Variants in SBF2 observed in about 807,000 individuals in gnomAD.
The protein encoded by SBF2 is SET binding factor 2.
SBF2 carries 112 observed loss-of-function variants against 225.2 expected under a neutral mutation model. That is an observed-to-expected ratio of 0.50 (90% CI 0.43 to 0.58). The LOEUF (loss-of-function observed/expected upper bound fraction) is 0.58. Among genes scored for constraint, SBF2 ranks in the 20% least tolerant of loss-of-function variants. The pLI, the probability that SBF2 is intolerant of heterozygous loss-of-function variation, is 0.00. For synonymous variants in SBF2, 763 were observed against 773.3 expected, an observed-to-expected ratio of 0.99 and a Z score of 0.22; for missense variants, 1,996 against 2,206.2, an observed-to-expected ratio of 0.90 and a Z score of 1.91.
chr11:10,043,737 G>A (rs1019014208), intron 2 of SBF2, among the ~76,000 whole-genome samples: 10 of 152,022 alleles, frequency 6.6e-5, no homozygotes, highest in Non-Finnish European at 1.5e-5. Flanking sequence ...AGTATATCTG[G>A]CTAATATTTT....
At chr11:10,019,235 T>C (rs181536918) in intron 6 of SBF2, among the ~76,000 whole-genome samples, 76 of 152,312 alleles carry the variant, frequency 5.0e-4, no homozygotes, top group African/African-American at 1.8e-3. Flanking sequence ...AACTTTCTTA[T>C]AGACTCCCAT....
chr11:10,003,491 C>T (rs1230994788), intron 6 of SBF2, among the ~76,000 whole-genome samples: 3 of 152,060 alleles, frequency 2.0e-5, no homozygotes, highest in Middle Eastern at 6.8e-3. Context: ...CCTCAGCCTC[C>T]TGAGTAGCTG....
rs1260685462 is a variant in SBF2 at position 9,967,971 on chromosome 11, C to CTCTCTCTCTCTATATATATATATA, written c.1600+369_1600+370insTATATATATATATAGAGAGAGAGA. ...TGTCTCTCTCTCTCTCTCTCTCTCT[C>CTCTCTCTCTCTATATATATATATA]TATATATATATATATATATAAAATA... On this transcript the variant is annotated intron_variant, in intron 14 of 39. Coordinates refer to ENST00000256190, the MANE Select transcript of SBF2 (RefSeq NM_030962.4). Among the ~76,000 whole-genome samples, 19 of 91,496 alleles carry CTCTCTCTCTCTATATATATATATA rather than the reference C, an allele frequency of 2.1e-4. 1 individual carries two copies. The highest frequency in any genetic ancestry group is 2.6e-4 in the Non-Finnish European group (11 of 43,088). 60.0% of individuals were successfully genotyped at this position (91,496 alleles called of 152,430 possible).
chr11:10,085,060 A>G (rs1951511806), intron 2 of SBF2, among the ~76,000 whole-genome samples: 1 of 152,250 alleles, frequency 6.6e-6, no homozygotes, highest in Non-Finnish European at 1.5e-5. Flanking sequence ...AAAATCGCAC[A>G]TGCATTCCAC....
At chr11:10,065,756 A>T (rs990866038) in intron 2 of SBF2, among the ~76,000 whole-genome samples, 4 of 152,148 alleles carry the variant, frequency 2.6e-5, no homozygotes, top group African/African-American at 9.7e-5. Context: ...GTTCGAGACC[A>T]GCTTAACATG....
intron 1 of SBF2, among the ~76,000 whole-genome samples, chr11:10,210,580 G>A (rs1957903133): frequency 6.6e-6 from 1 of 152,036 alleles, no homozygotes; most frequent in African/African-American, 2.4e-5. Flanking sequence ...GGAGACAACT[G>A]GCCGTTTCTA....
At chr11:10,143,023 T>C (rs1226333825) in intron 2 of SBF2, among the ~76,000 whole-genome samples, 1 of 152,212 alleles carries the variant, frequency 6.6e-6, no homozygotes, top group Non-Finnish European at 1.5e-5. Flanking sequence ...AGTAGACATC[T>C]CTGCTACAAA....
At position 9,780,345 on chromosome 11, in the gene SBF2, A is replaced by T; in HGVS notation, c.*73T>A. On this transcript the variant is annotated 3_prime_UTR_variant, in exon 40 of 40. Coordinates refer to ENST00000256190, the MANE Select transcript of SBF2 (RefSeq NM_030962.4). ...ATAACTTGTTGTCAGCTCCTCAAGG[A>T]TCCATGCTTCTTTTTCTATCTATCT... 7.5e-7 allele frequency: 1 copy of T among 1,327,098 alleles called. No homozygotes were observed. Among genetic ancestry groups the T allele is most frequent in the Non-Finnish European group, 1.1e-6 (1 of 932,308 alleles). 82.2% of individuals were successfully genotyped at this position (1,327,098 alleles called of 1,614,324 possible). A position where few individuals can be genotyped will look rare whatever the true frequency, so the allele number is the denominator to read the frequency against.
chr11:9,805,752 A>T (rs1853788096), intron 32 of SBF2, among the ~76,000 whole-genome samples: 1 of 152,052 alleles, frequency 6.6e-6, no homozygotes, highest in South Asian at 2.1e-4. Flanking sequence ...CCTCCCAAGT[A>T]GCTGGGACTA....
intron 1 of SBF2, among the ~76,000 whole-genome samples, chr11:10,290,961 G>A (rs1412399008): frequency 6.6e-6 from 1 of 152,108 alleles, no homozygotes; most frequent in Non-Finnish European, 1.5e-5. Flanking sequence ...CTAAATGGCT[G>A]ATTACAGAAC....
chr11:10,125,069 C>T (rs1953683987), intron 2 of SBF2, among the ~76,000 whole-genome samples: 1 of 143,808 alleles, frequency 7.0e-6, no homozygotes, highest in South Asian at 2.2e-4. Context: ...GATCTCGCTA[C>T]TGCACTCCAG....
chr11:9,927,854 G>C (rs949934279), intron 16 of SBF2, among the ~76,000 whole-genome samples: 2 of 152,122 alleles, frequency 1.3e-5, no homozygotes, highest in Non-Finnish European at 2.9e-5. Context: ...TTTCACAAAA[G>C]TGCAAAGCCA....
intron 2 of SBF2, among the ~76,000 whole-genome samples, chr11:10,182,063 A>G (rs10500721): frequency 0.27 from 41,592 of 152,032 alleles, 5,858 homozygotes; most frequent in Middle Eastern, 0.34. Flanking sequence ...GGTACTTTAA[A>G]TTAAGCTAAG....
intron 16 of SBF2, among the ~76,000 whole-genome samples, chr11:9,938,947 A>C (rs1026102021): frequency 1.3e-5 from 2 of 152,106 alleles, no homozygotes; most frequent in Non-Finnish European, 2.9e-5. Context: ...AAAATTGTAA[A>C]GGGCAATATC....
chr11:9,902,865 C>T (rs751986087), intron 16 of SBF2, among the ~76,000 whole-genome samples: 2 of 151,568 alleles, frequency 1.3e-5, no homozygotes, highest in African/African-American at 4.9e-5. Flanking sequence ...ATTAAGTAAG[C>T]CTTTAAGAAT....
At chr11:10,174,749 G>A (rs1267483272) in intron 2 of SBF2, among the ~76,000 whole-genome samples, 1 of 151,994 alleles carries the variant, frequency 6.6e-6, no homozygotes, top group South Asian at 2.1e-4. Flanking sequence ...AAATGTGAAG[G>A]GCAGCCAGAG....
rs1964361909 is a variant in SBF2, at chr11:10,294,141, A to T, written c.-72T>A. On this transcript the variant is annotated 5_prime_UTR_variant, in exon 1 of 40. Transcript: ENST00000256190. ...GCCGCCGCCGCCCACCCGGCCCGGG[A>T]GGGCTCAGCATTTTCCCTGCAGCGG... 2 of 1,170,396 alleles carry T rather than the reference A, an allele frequency of 1.7e-6. No homozygotes were observed. Among genetic ancestry groups the T allele is most frequent in the South Asian group, 5.3e-5 (2 of 37,556 alleles). The allele number at this position is 1,170,396 out of a possible 1,614,324, so 72.5% of individuals were successfully genotyped here. A position where few individuals can be genotyped will look rare whatever the true frequency, so the allele number is the denominator to read the frequency against.
rs139621501 is a variant in SBF2, at chr11:9,795,709, A to C, written c.4570+122T>G. 2.0e-4 allele frequency: 246 copies of C among 1,230,708 alleles called. 1 individual carries two copies. In the African/African-American group the frequency reaches 3.1e-3, roughly 16 times the overall value. The allele number at this position is 1,230,708 out of a possible 1,614,324, so 76.2% of individuals were successfully genotyped here. On this transcript the variant is annotated intron_variant, in intron 33 of 39. Transcript: ENST00000256190. ...GCCACTTATCCACTCCTCTACATTCATAGTTCAGAGTTAAACCTTAACTCA... is the reference window on the plus strand; with the variant it reads ...GCCACTTATCCACTCCTCTACATTCCTAGTTCAGAGTTAAACCTTAACTCA...
At chr11:9,888,498 C>A (rs1484202610) in intron 17 of SBF2, among the ~76,000 whole-genome samples, 3 of 133,228 alleles carry the variant, frequency 2.3e-5, no homozygotes, top group African/African-American at 9.4e-5. Context: ...AGCTAAAAAC[C>A]AGTCTCAAAA....
Sources: gnomAD v4.1 joint callset for allele counts (sites outside exome capture counted in the v4.1 genomes callset) on GRCh38, gnomAD v4.1.1 for gene constraint, MANE v1.5 for transcripts, NCBI Gene and HGNC (gene_info 2026-07-23, HGNC 2026-07-21) for gene names.